ADCK2: variants seen among roughly 807,000 people sequenced by gnomAD.
ADCK2 encodes the protein aarF domain containing kinase 2, also known as uncharacterized aarF domain-containing protein kinase 2.
In ADCK2, 37 loss-of-function variants were observed where a neutral mutation model predicts 52.3. The observed-to-expected ratio is 0.71, with a 90% CI of 0.54 to 0.93. ADCK2 has a LOEUF of 0.93. Ranked by LOEUF, ADCK2 falls within the 40% of genes least tolerant of loss-of-function variation. ADCK2 has a pLI of 0.00. For synonymous variants in ADCK2, 321 were observed against 349.2 expected, an observed-to-expected ratio of 0.92 and a Z score of 0.90; for missense variants, 695 against 798.7, an observed-to-expected ratio of 0.87 and a Z score of 1.56.
chr7:140,680,580 C>T (rs114820203), intron 3 of ADCK2, among the ~76,000 whole-genome samples: 4,346 of 152,048 alleles, frequency 0.029, 196 homozygotes, highest in African/African-American at 0.097. Context: ...CATCTCTTAT[C>T]TTCAGTAGCA....
chr7:140,678,722 G>A lies in ADCK2; in HGVS notation c.1081-433G>A, dbSNP rs954019285. On this transcript the variant is annotated intron_variant, in intron 2 of 7. Coordinates refer to ENST00000072869, the MANE Select transcript of ADCK2 (RefSeq NM_052853.4). The surrounding 1 kb of genome is among the most constrained non-coding windows in gnomAD (Gnocchi z 4.9). ...AGAGTAGCAGTGGCAGTGTCGATGC[G>A]GTGGGTGGAGAGCTGCCGCGAGATG... is the stretch of plus-strand genomic sequence containing the variant. 3.3e-5 allele frequency among the ~76,000 whole-genome samples: 5 copies of A among 152,202 alleles called. No individual in the cohort carries two copies. The South Asian group carries it at 8.3e-4, about 25-fold the overall frequency.
Position 140,673,552 on chromosome 7 carries a change from G to T in ADCK2, c.222G>T (p.Gly74=). 6.2e-7 allele frequency: 1 copy of T among 1,600,912 alleles called. No homozygotes were observed. Among genetic ancestry groups the T allele is most frequent in the Non-Finnish European group, 8.5e-7 (1 of 1,177,332 alleles). The change falls in exon 1 of 8, where the codon GGG becomes GGT. Residue 74 remains glycine, a synonymous_variant. Transcript: ENST00000072869. The surrounding 1 kb of genome is among the most constrained non-coding windows in gnomAD (Gnocchi z 6.4). ...GTCGGCGAAGGGTCCGCTGCAGCGG[G>T]GCGGCTGGCGCGGGGCCCGCGGAGA... ...VLSRRRVRCS[G]AAGAGPAESL...
At position 140,674,334 on chromosome 7, in the gene ADCK2, A is replaced by G. The variant is rs572190303; in HGVS notation, c.933+71A>G. On this transcript the variant is annotated intron_variant, in intron 1 of 7. Transcript: ENST00000072869. The surrounding 1 kb of genome is among the most constrained non-coding windows in gnomAD (Gnocchi z 4.6). ...CCAGATCAGAAACAACCGCCATGCA[A>G]ATCGCCCCCACGTTTATTTCTATTT... The G allele has an allele frequency of 2.8e-6, 4 of 1,452,520 alleles. No individual in the cohort carries two copies. In the African/African-American group the frequency reaches 4.3e-5, roughly 16 times the overall value. 90.0% of individuals were successfully genotyped at this position (1,452,520 alleles called of 1,614,324 possible). A position where few individuals can be genotyped will look rare whatever the true frequency, so the allele number is the denominator to read the frequency against.
At position 140,689,625 on chromosome 7, in the gene ADCK2, A is replaced by C; in HGVS notation, c.1586A>C (p.His529Pro). 1 of 1,611,544 alleles carries C rather than the reference A, an allele frequency of 6.2e-7. No homozygotes were observed. The highest frequency in any genetic ancestry group is 1.1e-5 in the South Asian group (1 of 90,726). The stretch of plus-strand genomic sequence containing the variant: ...CAGAGAGTGGCTGAGCTGATCCTGC[A>C]TCATGCCCGGGCCAGCGAGTGCAGG... ...QGQRVAELIL[H>P]HARASECRDV... Residue 529 changes from histidine (H) to proline (P), a missense_variant, in exon 6 of 8, where the codon CAT becomes CCT. Coordinates refer to ENST00000072869, the MANE Select transcript of ADCK2 (RefSeq NM_052853.4).
At chr7:140,689,093 A>G (rs1361495021) in intron 5 of ADCK2, among the ~76,000 whole-genome samples, 2 of 151,492 alleles carry the variant, frequency 1.3e-5, no homozygotes, top group Non-Finnish European at 2.9e-5. Flanking sequence ...TCAGCCTCCC[A>G]GGTAGCTGGG....
chr7:140,687,112 G>A lies in ADCK2; in HGVS notation c.1428G>A (p.Leu476=). ...AGCAGGCGGACATCTGTGACACTCT[G>A]GTGGTGGCCGTGCCATCTTCCCTCT... is the stretch of plus-strand genomic sequence containing the variant. The part of the protein sequence containing the change: ...QLQQADICDT[L]VVAVPSSLCP... Residue 476 remains leucine (L), a synonymous_variant, in exon 5 of 8, where the codon CTG becomes CTA. Coordinates refer to ENST00000072869, the MANE Select transcript of ADCK2 (RefSeq NM_052853.4). The A allele has an allele frequency of 6.2e-7, 1 of 1,613,908 alleles. No homozygotes were observed. The highest frequency in any genetic ancestry group is 8.5e-7 in the Non-Finnish European group (1 of 1,180,036).
chr7:140,674,628 G>T lies in ADCK2; in HGVS notation c.951G>T (p.Leu317=). 6.2e-7 allele frequency: 1 copy of T among 1,613,578 alleles called. No individual in the cohort carries two copies. The highest frequency in any genetic ancestry group is 8.5e-7 in the Non-Finnish European group (1 of 1,179,804). The part of the protein sequence containing the change: ...SVAVKVLHPG[L]LAQVHMDLLL... ...TCTGACAGGTGTTGCACCCTGGCCTGCTCGCTCAGGTGCATATGGACCTGC... is the reference window on the plus strand; with the variant it reads ...TCTGACAGGTGTTGCACCCTGGCCTTCTCGCTCAGGTGCATATGGACCTGC... Residue 317 remains leucine (L), a synonymous_variant, in exon 2 of 8, where the codon CTG becomes CTT. Transcript: ENST00000072869. This position sits in a 1 kb window ranked among gnomAD's most constrained non-coding sequence, Gnocchi z 4.6.
intron 2 of ADCK2, among the ~76,000 whole-genome samples, chr7:140,677,110 TAAGA>T (rs993271800): frequency 6.6e-6 from 1 of 151,974 alleles, no homozygotes; most frequent in African/African-American, 2.4e-5. Flanking sequence ...TTCCTATCCC[TAAGA>T]AAGACAGTCA....
intron 4 of ADCK2, among the ~76,000 whole-genome samples, chr7:140,683,222 T>G (rs975355355): frequency 4.6e-5 from 7 of 151,976 alleles, no homozygotes; most frequent in African/African-American, 1.5e-4. Flanking sequence ...GAGGCAGAGA[T>G]TGCAGTGAGC....
At chr7:140,689,871 G>A (rs1239000930) in intron 6 of ADCK2, 146 bp downstream of exon 6, 1 of 1,125,146 alleles carries the variant, frequency 8.9e-7, no homozygotes, top group Non-Finnish European at 1.2e-6. Flanking sequence ...CAGGCATGAG[G>A]AGCCCCAGTG....
intron 4 of ADCK2, 86 bp downstream of exon 4, chr7:140,681,223 G>GGGAAGGA: frequency 7.6e-7 from 1 of 1,313,004 alleles, no homozygotes; most frequent in Non-Finnish European, 1.1e-6. Flanking sequence ...CTATCTGGGT[G>GGGAAGGA]GGAAGGAGAG....
chr7:140,683,779 G>A (rs916168416), intron 4 of ADCK2, among the ~76,000 whole-genome samples: 2 of 152,184 alleles, frequency 1.3e-5, no homozygotes, highest in Admixed American at 1.3e-4. Context: ...ACTGGCAGCT[G>A]TTGGGAAGAG....
Position 140,689,728 on chromosome 7 carries a change from G to A in ADCK2, c.1686+3G>A, listed in dbSNP as rs752168562. On this transcript the variant is annotated splice_donor_region_variant and intron_variant, in intron 6 of 7. Coordinates refer to ENST00000072869, the MANE Select transcript of ADCK2 (RefSeq NM_052853.4). ...AGAACACCATCACCCTGGAGAAGGT[G>A]GGCAGGTCACTTGCGGAACAGGGGC... The A allele has an allele frequency of 2.5e-5, 41 of 1,609,782 alleles. No homozygotes were observed. Among genetic ancestry groups the A allele is most frequent in the Non-Finnish European group, 3.5e-5 (41 of 1,177,470 alleles).
At chr7:140,692,817 T>C (rs1794731073) in intron 7 of ADCK2, among the ~76,000 whole-genome samples, 1 of 152,242 alleles carries the variant, frequency 6.6e-6, no homozygotes. Flanking sequence ...GCCAGTAAGG[T>C]CTATACATTG....
At chr7:140,681,906 C>T (rs1794523502) in intron 4 of ADCK2, among the ~76,000 whole-genome samples, 1 of 152,196 alleles carries the variant, frequency 6.6e-6, no homozygotes, top group South Asian at 2.1e-4. Context: ...CAGGCATGAA[C>T]CACCATGCCC....
intron 7 of ADCK2, among the ~76,000 whole-genome samples, chr7:140,692,990 A>T (rs1254322263): frequency 6.6e-6 from 1 of 151,804 alleles, no homozygotes; most frequent in African/African-American, 2.4e-5. Context: ...AACACTTGTC[A>T]TTTTCTGTTT....
At chr7:140,690,170 C>T (rs1345608246) in intron 6 of ADCK2, among the ~76,000 whole-genome samples, 16 of 152,272 alleles carry the variant, frequency 1.1e-4, no homozygotes, top group African/African-American at 2.2e-4. Context: ...GCCACTGGCA[C>T]GCTGGCCCTG....
Position 140,673,792 on chromosome 7 carries a change from C to T in ADCK2, c.462C>T (p.Thr154=), listed in dbSNP as rs1801679520. The change falls in exon 1 of 8, where the codon ACC becomes ACT. Residue 154 remains threonine, a synonymous_variant. Coordinates refer to ENST00000072869, the MANE Select transcript of ADCK2 (RefSeq NM_052853.4). The surrounding 1 kb of genome is among the most constrained non-coding windows in gnomAD (Gnocchi z 6.4). The part of the protein sequence containing the change: ...TYIKLGQWAS[T]RRDLFSEAFC... ...TCAAACTGGGCCAGTGGGCCAGCAC[C>T]CGGCGCGATCTGTTTTCGGAGGCTT... 6.2e-7 allele frequency: 1 copy of T among 1,613,990 alleles called. No homozygotes were observed. The highest frequency in any genetic ancestry group is 1.3e-5 in the African/African-American group (1 of 75,034).
rs775730601 is a variant in ADCK2, at chr7:140,673,681, C to T, written c.351C>T (p.Tyr117=). The change falls in exon 1 of 8, where the codon TAC becomes TAT. Residue 117 remains tyrosine, a synonymous_variant. Transcript: ENST00000072869. The surrounding 1 kb of genome is among the most constrained non-coding windows in gnomAD (Gnocchi z 6.4). Reference sequence around the variant, plus strand: ...AATTCTTCCCCCTCCTACTCCTCTACCCCCTCACCTACCTGGCTCCCAGCG... The same window carrying T: ...AATTCTTCCCCCTCCTACTCCTCTATCCCCTCACCTACCTGGCTCCCAGCG... The part of the protein sequence containing the change: ...LVKFFPLLLL[Y]PLTYLAPSVS... 4.2e-5 allele frequency: 67 copies of T among 1,611,562 alleles called. 1 individual carries two copies. In the Admixed American group the frequency reaches 1.1e-3, roughly 26 times the overall value.
Sources: gnomAD v4.1 joint callset for allele counts (sites outside exome capture counted in the v4.1 genomes callset) on GRCh38, gnomAD v4.1.1 for gene constraint, Gnocchi (gnomAD v3.1) non-coding constraint, MANE v1.5 for transcripts, NCBI Gene and HGNC (gene_info 2026-07-23, HGNC 2026-07-21) for gene names.